The following ENTHD1 variants were observed in gnomAD, a reference collection of about 807,000 sequenced individuals.
ENTHD1 encodes the protein ENTH domain containing 1.
A neutral mutation model predicts 39.1 loss-of-function variants in ENTHD1; 23 were observed. The observed-to-expected ratio is 0.59, with a 90% CI of 0.42 to 0.83. ENTHD1 has a LOEUF of 0.83. ENTHD1 is among the 40% of genes least tolerant of loss of function. The pLI is 0.00. For synonymous variants in ENTHD1, 230 were observed against 258.2 expected (o/e 0.89, Z 1.05); for missense variants, 624 against 705.4 (o/e 0.88, Z 1.31).
At chr22:39,758,381 A>G (rs1368973588) in intron 6 of ENTHD1, among the ~76,000 whole-genome samples, 1 of 152,162 alleles carries the variant, frequency 6.6e-6, no homozygotes, top group Admixed American at 6.5e-5. Flanking sequence ...TTTATCATTA[A>G]TTATGTCAGC....
intron 3 of ENTHD1, among the ~76,000 whole-genome samples, chr22:39,861,051 T>C (rs1345979966): frequency 6.6e-6 from 1 of 152,234 alleles, no homozygotes; most frequent in African/African-American, 2.4e-5. Context: ...ACTTGATTTA[T>C]GTTACAGGAT....
Position 39,887,588 on chromosome 22 carries a change from A to G in ENTHD1, c.161T>C (p.Met54Thr). 6.2e-7 allele frequency: 1 copy of G among 1,614,218 alleles called. No individual in the cohort carries two copies. Among genetic ancestry groups the G allele is most frequent in the Non-Finnish European group, 8.5e-7 (1 of 1,180,034 alleles). The change falls in exon 2 of 7, where the codon ATG (methionine) becomes ACG (threonine). Residue 54 changes from methionine (M) to threonine (T), a missense_variant. By Grantham distance (81) the Met-to-Thr change is moderately conservative. Transcript: ENST00000325157. ...ATTGAGTCTGTGCCACAGCATATTC[A>G]TAATCTCTGAGAGAGAAATTGTGTT... ...TFNTISLSEI[M>T]NMLWHRLNDH...
chr22:39,848,355 G>C (rs1331629196), intron 3 of ENTHD1, among the ~76,000 whole-genome samples: 2 of 151,868 alleles, frequency 1.3e-5, no homozygotes, highest in African/African-American at 4.8e-5. Flanking sequence ...CTGGGTTCAA[G>C]TGATTCTCCT....
intron 5 of ENTHD1, among the ~76,000 whole-genome samples, chr22:39,801,354 C>CTTAA (rs2065596868): frequency 6.6e-6 from 1 of 152,196 alleles, no homozygotes; most frequent in Non-Finnish European, 1.5e-5. Flanking sequence ...CTTTGCTTAT[C>CTTAA]TTAAGGCCAC....
At chr22:39,770,027 T>A (rs969935056) in intron 5 of ENTHD1, among the ~76,000 whole-genome samples, 1 of 152,186 alleles carries the variant, frequency 6.6e-6, no homozygotes, top group African/African-American at 2.4e-5. Context: ...CAAAGATAGT[T>A]GTATCTTGTT....
intron 5 of ENTHD1, among the ~76,000 whole-genome samples, chr22:39,818,115 T>G (rs1243730935): frequency 6.6e-6 from 1 of 152,228 alleles, no homozygotes; most frequent in Non-Finnish European, 1.5e-5. Context: ...TGTCTGGTCC[T>G]TTCTTTCACA....
chr22:39,821,123 A>G lies in ENTHD1; in HGVS notation c.712-10T>C, dbSNP rs759286537. On this transcript the variant is annotated splice_polypyrimidine_tract_variant and intron_variant, in intron 4 of 6. Coordinates refer to ENST00000325157, the MANE Select transcript of ENTHD1 (RefSeq NM_152512.4). Reference sequence around the variant, plus strand: ...AAAATGTCATCAGGTCCTGACAGAAAACACAAGAACATGAGAATTGAAGAA... The same window carrying G: ...AAAATGTCATCAGGTCCTGACAGAAGACACAAGAACATGAGAATTGAAGAA... The G allele has an allele frequency of 6.2e-7, 1 of 1,613,292 alleles. No homozygotes were observed. The highest frequency in any genetic ancestry group is 1.1e-5 in the South Asian group (1 of 90,986).
intron 5 of ENTHD1, among the ~76,000 whole-genome samples, chr22:39,793,098 A>T (rs2065517916): frequency 1.3e-5 from 2 of 152,122 alleles, no homozygotes; most frequent in Admixed American, 1.3e-4. Flanking sequence ...AGCATTCATT[A>T]TTCCCTATCT....
chr22:39,751,931 A>G (rs2065150438), intron 6 of ENTHD1, among the ~76,000 whole-genome samples: 1 of 152,192 alleles, frequency 6.6e-6, no homozygotes, highest in South Asian at 2.1e-4. Context: ...TGTAGAGTGT[A>G]TAATACATGA....
chr22:39,762,125 G>T (rs1026423373), intron 6 of ENTHD1, among the ~76,000 whole-genome samples: 1 of 152,116 alleles, frequency 6.6e-6, no homozygotes, highest in Non-Finnish European at 1.5e-5. Context: ...GCAAAAGCTG[G>T]TCTCATCTCA....
At chr22:39,806,751 C>T (rs1308668032) in intron 5 of ENTHD1, among the ~76,000 whole-genome samples, 1 of 151,962 alleles carries the variant, frequency 6.6e-6, no homozygotes, top group Non-Finnish European at 1.5e-5. Flanking sequence ...TCTTCAGAGC[C>T]CAGAGGAGGA....
chr22:39,760,402 C>T (rs539204229), intron 6 of ENTHD1, among the ~76,000 whole-genome samples: 168 of 151,930 alleles, frequency 1.1e-3, no homozygotes, highest in Middle Eastern at 6.8e-3. Context: ...AGTAATAATC[C>T]TTGTCTTGAA....
At chr22:39,776,373 A>T (rs1380702295) in intron 5 of ENTHD1, among the ~76,000 whole-genome samples, 1 of 152,100 alleles carries the variant, frequency 6.6e-6, no homozygotes, top group Non-Finnish European at 1.5e-5. Context: ...CTGCCTTCTC[A>T]TTTTCTTTCC....
rs746080228 is a variant in ENTHD1 at position 39,743,637 on chromosome 22, G to A, written c.*42C>T. 6.5e-6 allele frequency: 10 copies of A among 1,528,910 alleles called. No homozygotes were observed. Among genetic ancestry groups the A allele is most frequent in the Non-Finnish European group, 7.9e-6 (9 of 1,140,976 alleles). The allele number at this position is 1,528,910 out of a possible 1,614,324, so 94.7% of individuals were successfully genotyped here. ...CAATGCTAACGTAAGTCTTGGGGAA[G>A]TGGAACCACACGAGTTCTATCAAAA... On this transcript the variant is annotated 3_prime_UTR_variant, in exon 7 of 7. Coordinates refer to ENST00000325157, the MANE Select transcript of ENTHD1 (RefSeq NM_152512.4).
Position 39,867,747 on chromosome 22 carries a change from C to G in ENTHD1, c.350-5740G>C, listed in dbSNP as rs1478753416. Among the ~76,000 whole-genome samples, 1 of 151,898 alleles carries G rather than the reference C, an allele frequency of 6.6e-6. No individual in the cohort carries two copies. The highest frequency in any genetic ancestry group is 1.5e-5 in the Non-Finnish European group (1 of 67,986). On this transcript the variant is annotated intron_variant, in intron 2 of 6. Transcript: ENST00000325157. The surrounding 1 kb of genome is among the most constrained non-coding windows in gnomAD (Gnocchi z 4.5). ...TCAGTTGGTTGCAGTGAGCCGAGAT[C>G]GCGCCATTGCACTCCAGCCTGGGCG...
intron 1 of ENTHD1, among the ~76,000 whole-genome samples, chr22:39,890,099 AAAATAAATAAATAAATAAATAAATAAAT>A (rs202065437): frequency 6.4e-5 from 9 of 139,574 alleles, no homozygotes; most frequent in East Asian, 4.2e-4. Flanking sequence ...CTCTGTCTCA[AAAATAAATAAATAAATAAATAAATAAAT>A]AAATAAATAA....
chr22:39,790,299 T>A (rs2146599594), intron 5 of ENTHD1, among the ~76,000 whole-genome samples: 3 of 152,194 alleles, frequency 2.0e-5, no homozygotes, highest in Middle Eastern at 6.8e-3. Context: ...CTGCAATAAT[T>A]CATGGAGGCA....
chr22:39,745,043 T>C (rs1015387445), intron 6 of ENTHD1, among the ~76,000 whole-genome samples: 1 of 152,212 alleles, frequency 6.6e-6, no homozygotes, highest in African/African-American at 2.4e-5. Flanking sequence ...TAGAAGATGT[T>C]TTGTAAAAAC....
At chr22:39,795,065 T>C (rs1448103807) in intron 5 of ENTHD1, among the ~76,000 whole-genome samples, 1 of 152,220 alleles carries the variant, frequency 6.6e-6, no homozygotes, top group Non-Finnish European at 1.5e-5. Context: ...GGTATATATT[T>C]ATTGATTTGC....
Sources: allele counts gnomAD v4.1 joint callset (sites outside exome capture counted in the v4.1 genomes callset), GRCh38; gene constraint gnomAD v4.1.1; non-coding constraint Gnocchi (gnomAD v3.1); transcripts MANE v1.5; gene names NCBI Gene and HGNC (gene_info 2026-07-23, HGNC 2026-07-21).